The following DPP6 variants were observed in gnomAD, a reference collection of about 807,000 sequenced individuals.
DPP6 encodes the protein A-type potassium channel modulatory protein DPP6.
In DPP6, 69 loss-of-function variants were observed where a neutral mutation model predicts 122.6. That is an observed-to-expected ratio of 0.56 (90% CI 0.46 to 0.69). The LOEUF (loss-of-function observed/expected upper bound fraction) is 0.69. DPP6 is among the 30% of genes least tolerant of loss of function. The probability of loss-of-function intolerance (pLI) is 0.00; values close to 1 mark genes in which losing one functional copy is unlikely to be tolerated. For synonymous variants in DPP6, 418 were observed against 433.1 expected, an observed-to-expected ratio of 0.97 and a Z score of 0.43; for missense variants, 928 against 1,116.9, an observed-to-expected ratio of 0.83 and a Z score of 2.41.
At chr7:154,083,775 C>T (rs946045149) in intron 1 of DPP6, among the ~76,000 whole-genome samples, 15 of 151,200 alleles carry the variant, frequency 9.9e-5, no homozygotes, top group Admixed American at 8.6e-4. Flanking sequence ...GTGCCTCCAG[C>T]CTGTTCCTGG....
intron 5 of DPP6, among the ~76,000 whole-genome samples, chr7:154,579,880 C>A (rs1831935396): frequency 6.6e-6 from 1 of 152,076 alleles, no homozygotes; most frequent in Non-Finnish European, 1.5e-5. Context: ...ATCCATGTGA[C>A]CTTAGGGATA....
intron 1 of DPP6, among the ~76,000 whole-genome samples, chr7:154,029,001 G>A (rs371122755): frequency 0.12 from 18,094 of 148,776 alleles, 1,065 homozygotes; most frequent in Non-Finnish European, 0.16. Context: ...CTCTGTCCTC[G>A]AGGCCCACAG....
chr7:154,462,494 C>A (rs1001463020), intron 2 of DPP6, among the ~76,000 whole-genome samples: 1 of 152,094 alleles, frequency 6.6e-6, no homozygotes, highest in Non-Finnish European at 1.5e-5. Flanking sequence ...AATCCATTAA[C>A]ATAGAATATA....
At chr7:153,977,198 G>GGTGTGTGTGTGT (rs55750679) in intron 1 of DPP6, among the ~76,000 whole-genome samples, 123 of 149,716 alleles carry the variant, frequency 8.2e-4, no homozygotes, top group Middle Eastern at 3.5e-3. Flanking sequence ...TACCAATAGG[G>GGTGTGTGTGTGT]GTGTGTGTGT....
chr7:154,526,592 T>G (rs1264998447), intron 3 of DPP6, among the ~76,000 whole-genome samples: 1 of 152,216 alleles, frequency 6.6e-6, no homozygotes, highest in Non-Finnish European at 1.5e-5. Flanking sequence ...AATGGAAACA[T>G]GTGGCTAGAG....
chr7:154,441,860 T>C (rs1011171088), intron 1 of DPP6, among the ~76,000 whole-genome samples: 1 of 152,176 alleles, frequency 6.6e-6, no homozygotes, highest in Non-Finnish European at 1.5e-5. Flanking sequence ...ATAATAACAT[T>C]GGATAAAGGT....
chr7:154,065,915 A>G (rs995568746), intron 1 of DPP6, among the ~76,000 whole-genome samples: 22 of 152,002 alleles, frequency 1.4e-4, no homozygotes, highest in Admixed American at 6.5e-5. Context: ...CCGCCTTGGT[A>G]TCCCACTGGC....
chr7:154,680,925 C>G (rs1839243626), intron 7 of DPP6, among the ~76,000 whole-genome samples: 1 of 152,114 alleles, frequency 6.6e-6, no homozygotes, highest in Non-Finnish European at 1.5e-5. Flanking sequence ...GACTCACTCT[C>G]TTTTTGAAGG....
intron 1 of DPP6, among the ~76,000 whole-genome samples, chr7:154,348,465 C>T (rs1313292876): frequency 6.6e-6 from 1 of 152,190 alleles, no homozygotes; most frequent in African/African-American, 2.4e-5. Context: ...TCTCGCCCAA[C>T]ATCCTCTGTG....
chr7:153,849,377 A>G, the DPP6 span, among the ~76,000 whole-genome samples: 8 of 151,832 alleles, frequency 5.3e-5, no homozygotes, highest in African/African-American at 1.7e-4. Context: ...CCTGCTGAAG[A>G]TGTCGTCCTT....
At chr7:154,159,628 T>G (rs1298619498) in intron 1 of DPP6, among the ~76,000 whole-genome samples, 1 of 152,288 alleles carries the variant, frequency 6.6e-6, no homozygotes, top group Non-Finnish European at 1.5e-5. Flanking sequence ...TCATCCAGTC[T>G]GCCTCCCAGA....
the DPP6 span, among the ~76,000 whole-genome samples, chr7:153,769,937 G>C: frequency 1.5e-4 from 23 of 152,282 alleles, no homozygotes; most frequent in African/African-American, 4.8e-4. Flanking sequence ...GTGAGGGACA[G>C]TGGAGTCCCT....
chr7:153,982,645 C>A (rs1796644494), intron 1 of DPP6, among the ~76,000 whole-genome samples: 2 of 152,104 alleles, frequency 1.3e-5, no homozygotes, highest in Admixed American at 6.5e-5. Flanking sequence ...GAATTTTCAG[C>A]CTTTTCGCGC....
chr7:154,007,758 G>T (rs1797973948), intron 1 of DPP6, among the ~76,000 whole-genome samples: 2 of 152,072 alleles, frequency 1.3e-5, no homozygotes, highest in African/African-American at 4.8e-5. Flanking sequence ...CCTGCTGCAG[G>T]AATTGGTGTC....
chr7:154,518,724 G>T (rs951499411), intron 3 of DPP6, among the ~76,000 whole-genome samples: 7 of 152,172 alleles, frequency 4.6e-5, no homozygotes, highest in Admixed American at 2.6e-4. Flanking sequence ...GTCCCTGGTT[G>T]GTTTCTGCTA....
chr7:154,695,159 G>A (rs1233314303), intron 7 of DPP6, among the ~76,000 whole-genome samples: 2 of 152,208 alleles, frequency 1.3e-5, no homozygotes, highest in Non-Finnish European at 2.9e-5. Flanking sequence ...CAGATTTGGG[G>A]TAGCAGCCAG....
At chr7:153,779,904 G>A in the DPP6 span, among the ~76,000 whole-genome samples, 3 of 151,618 alleles carry the variant, frequency 2.0e-5, no homozygotes, top group African/African-American at 7.3e-5. Flanking sequence ...GATGTCAATG[G>A]TAGAGAAGAT....
At chr7:153,794,597 ATGAAT>A in the DPP6 span, among the ~76,000 whole-genome samples, 1 of 152,126 alleles carries the variant, frequency 6.6e-6, no homozygotes, top group East Asian at 1.9e-4. Flanking sequence ...TAATACTGAA[ATGAAT>A]TAAGACTTTG....
intron 1 of DPP6, among the ~76,000 whole-genome samples, chr7:154,010,168 C>G (rs1396211933): frequency 1.3e-5 from 2 of 152,170 alleles, no homozygotes; most frequent in Non-Finnish European, 2.9e-5. Context: ...TGTCTTTAGT[C>G]AAAAGCCTCT....
Sources: gnomAD v4.1 joint callset for allele counts (sites outside exome capture counted in the v4.1 genomes callset) on GRCh38, gnomAD v4.1.1 for gene constraint, MANE v1.5 for transcripts, NCBI Gene and HGNC (gene_info 2026-07-23, HGNC 2026-07-21) for gene names.